Variants in LPP observed in about 807,000 individuals in gnomAD.
LPP encodes lipoma-preferred partner.
LPP carries 38 observed loss-of-function variants against 60.4 expected under a neutral mutation model. The observed-to-expected ratio is 0.63, with a 90% CI of 0.49 to 0.83. The LOEUF (loss-of-function observed/expected upper bound fraction) is 0.83. Ranked by LOEUF, LPP falls within the 40% of genes least tolerant of loss-of-function variation. LPP has a pLI of 0.00. For synonymous variants in LPP, 328 were observed against 290.8 expected, an observed-to-expected ratio of 1.13 and a Z score of -1.30; for missense variants, 902 against 783.6, an observed-to-expected ratio of 1.15 and a Z score of -1.80.
intron 7 of LPP, among the ~76,000 whole-genome samples, chr3:188,694,890 T>C (rs184395362): frequency 2.6e-5 from 4 of 152,208 alleles, no homozygotes; most frequent in African/African-American, 9.6e-5. Flanking sequence ...GACTTTGTAA[T>C]GTATGTGAAA....
intron 4 of LPP, among the ~76,000 whole-genome samples, chr3:188,431,132 A>G (rs1482552934): frequency 6.6e-6 from 1 of 152,154 alleles, no homozygotes; most frequent in East Asian, 1.9e-4. Flanking sequence ...GTCATCTGGA[A>G]TGACTGCCTT....
intron 4 of LPP, among the ~76,000 whole-genome samples, chr3:188,429,393 A>T (rs6765695): frequency 0.61 from 92,163 of 151,996 alleles, 30,139 homozygotes; most frequent in East Asian, 0.99. Context: ...CAAAGTAATG[A>T]CCTCAAACTC....
At chr3:188,699,976 T>C (rs1288082628) in intron 7 of LPP, among the ~76,000 whole-genome samples, 2 of 152,166 alleles carry the variant, frequency 1.3e-5, no homozygotes, top group African/African-American at 4.8e-5. Context: ...GAAATATATT[T>C]TTTCTGGCAG....
intron 9 of LPP, among the ~76,000 whole-genome samples, chr3:188,811,045 T>C (rs1750782296): frequency 6.6e-6 from 1 of 152,076 alleles, no homozygotes; most frequent in South Asian, 2.1e-4. Flanking sequence ...AATTCATTAA[T>C]TGTAGGAGAA....
intron 2 of LPP, among the ~76,000 whole-genome samples, chr3:188,339,693 C>T (rs996840569): frequency 2.6e-5 from 4 of 152,170 alleles, no homozygotes; most frequent in Non-Finnish European, 5.9e-5. Context: ...GATCGGATTA[C>T]TTCTACCTGG....
chr3:188,439,696 C>T (rs941899012), intron 4 of LPP, among the ~76,000 whole-genome samples: 4 of 152,174 alleles, frequency 2.6e-5, no homozygotes, highest in Non-Finnish European at 4.4e-5. Context: ...CATATAACTC[C>T]GTATGTCTTA....
intron 7 of LPP, among the ~76,000 whole-genome samples, chr3:188,667,095 G>A (rs1855946262): frequency 6.6e-6 from 1 of 152,058 alleles, no homozygotes; most frequent in African/African-American, 2.4e-5. Context: ...AAAATCCATG[G>A]AATCTTTTGA....
At chr3:188,477,703 G>A (rs914545216) in intron 4 of LPP, among the ~76,000 whole-genome samples, 2 of 152,148 alleles carry the variant, frequency 1.3e-5, no homozygotes, top group South Asian at 2.1e-4. Flanking sequence ...ATAATGACAG[G>A]TTAAGAATTT....
intron 7 of LPP, among the ~76,000 whole-genome samples, chr3:188,644,341 A>T (rs1850722689): frequency 6.6e-6 from 1 of 152,184 alleles, no homozygotes; most frequent in African/African-American, 2.4e-5. Context: ...GTTTGGTAGG[A>T]TGAAATGGTT....
intron 8 of LPP, among the ~76,000 whole-genome samples, chr3:188,759,778 G>A (rs1175010187): frequency 6.6e-6 from 1 of 152,156 alleles, no homozygotes; most frequent in African/African-American, 2.4e-5. Context: ...CCTGAGTCAT[G>A]TTCCTTTTAT....
chr3:188,505,359 C>T (rs1287531087), intron 5 of LPP, among the ~76,000 whole-genome samples: 1 of 152,152 alleles, frequency 6.6e-6, no homozygotes, highest in Non-Finnish European at 1.5e-5. Flanking sequence ...CTCCTCCTTT[C>T]TCCCTGTCTC....
intron 7 of LPP, among the ~76,000 whole-genome samples, chr3:188,658,308 C>T (rs1166399623): frequency 6.6e-6 from 1 of 152,072 alleles, no homozygotes; most frequent in African/African-American, 2.4e-5. Context: ...CCACACCTAG[C>T]TAATTTTTTG....
chr3:188,157,800 G>A (rs1035028035), intron 1 of LPP, among the ~76,000 whole-genome samples: 2 of 151,922 alleles, frequency 1.3e-5, no homozygotes, highest in African/African-American at 4.8e-5. Context: ...ACTATAGAGA[G>A]GGGGGTGTCT....
At chr3:188,821,379 T>C (rs954658547) in intron 9 of LPP, among the ~76,000 whole-genome samples, 10 of 149,488 alleles carry the variant, frequency 6.7e-5, no homozygotes, top group Non-Finnish European at 1.5e-4. Context: ...ATTTTTTTTT[T>C]AAAGCTGCCC....
At chr3:188,455,759 GT>G (rs145670971) in intron 4 of LPP, among the ~76,000 whole-genome samples, 1 of 152,018 alleles carries the variant, frequency 6.6e-6, no homozygotes, top group Admixed American at 6.6e-5. Context: ...GAGAATATTG[GT>G]TTTTTTCAGA....
chr3:188,515,633 A>G (rs1009738384), intron 5 of LPP, among the ~76,000 whole-genome samples: 1 of 152,138 alleles, frequency 6.6e-6, no homozygotes, highest in African/African-American at 2.4e-5. Context: ...ATTCCCCCTT[A>G]TGAATGCTCT....
chr3:188,161,876 C>T (rs746161214), intron 1 of LPP, among the ~76,000 whole-genome samples: 6 of 152,142 alleles, frequency 3.9e-5, no homozygotes, highest in African/African-American at 1.4e-4. Flanking sequence ...TGTGGTCTGG[C>T]GATTTATTTA....
chr3:188,548,655 G>A (rs367908683), intron 6 of LPP, among the ~76,000 whole-genome samples: 1 of 152,170 alleles, frequency 6.6e-6, no homozygotes, highest in Admixed American at 6.5e-5. Flanking sequence ...ATGAAGAAGA[G>A]GAAAGAGAAG....
At chr3:188,522,072 T>C (rs1819013516) in intron 5 of LPP, among the ~76,000 whole-genome samples, 1 of 152,218 alleles carries the variant, frequency 6.6e-6, no homozygotes, top group Non-Finnish European at 1.5e-5. Flanking sequence ...TTACTGCCCT[T>C]TGATATAAAC....
Sources: gnomAD v4.1 joint callset for allele counts (sites outside exome capture counted in the v4.1 genomes callset) on GRCh38, gnomAD v4.1.1 for gene constraint, MANE v1.5 for transcripts, NCBI Gene and HGNC (gene_info 2026-07-23, HGNC 2026-07-21) for gene names.